Variants in KAT6A observed in about 807,000 individuals in gnomAD.
KAT6A encodes the protein histone acetyltransferase KAT6A.
A neutral mutation model predicts 198.4 loss-of-function variants in KAT6A; 9 were observed. The ratio of observed to expected loss-of-function variants is 0.05; its 90% CI spans 0.03 to 0.08. KAT6A has a LOEUF of 0.08. Ranked by LOEUF, KAT6A falls within the 10% of genes least tolerant of loss-of-function variation. KAT6A has a pLI of 1.00. For missense variants in KAT6A, 2,077 were observed against 2,509.9 expected (o/e 0.83, Z 3.69); for synonymous variants, 890 against 883.0 (o/e 1.01, Z -0.14).
intron 8 of KAT6A, among the ~76,000 whole-genome samples, chr8:41,972,781 G>T (rs1021123955): frequency 6.6e-6 from 1 of 152,170 alleles, no homozygotes; most frequent in South Asian, 2.1e-4. Context: ...CTGTTTTTAG[G>T]AAATACACAC....
At chr8:42,009,891 T>G (rs1299320043) in intron 2 of KAT6A, among the ~76,000 whole-genome samples, 1 of 79,698 alleles carries the variant, frequency 1.3e-5, no homozygotes. Context: ...CAAAGCCCTG[T>G]CTCAAAAAAA....
At chr8:42,012,444 G>C (rs1826067806) in intron 2 of KAT6A, among the ~76,000 whole-genome samples, 1 of 152,188 alleles carries the variant, frequency 6.6e-6, no homozygotes, top group Non-Finnish European at 1.5e-5. Flanking sequence ...GTTGTGACAA[G>C]TGTCCCTAGA....
intron 2 of KAT6A, among the ~76,000 whole-genome samples, chr8:42,032,174 T>C (rs931832206): frequency 1.3e-5 from 2 of 152,160 alleles, no homozygotes; most frequent in Non-Finnish European, 1.5e-5. Context: ...GTCATTTTCA[T>C]GAACTGTAGT....
chr8:42,042,947 C>A (rs939157045), intron 2 of KAT6A, among the ~76,000 whole-genome samples: 3 of 152,148 alleles, frequency 2.0e-5, no homozygotes, highest in African/African-American at 7.2e-5. Context: ...TTCCAAGACT[C>A]ACTATATAAA....
At chr8:42,051,165 T>TG (rs1802608557) in intron 1 of KAT6A, among the ~76,000 whole-genome samples, 2 of 152,044 alleles carry the variant, frequency 1.3e-5, no homozygotes, top group South Asian at 4.1e-4. Flanking sequence ...CCCTAAGCTC[T>TG]GGGGGCCGGC....
chr8:42,025,629 G>C (rs1826775008), intron 2 of KAT6A, among the ~76,000 whole-genome samples: 1 of 152,034 alleles, frequency 6.6e-6, no homozygotes, highest in South Asian at 2.1e-4. Context: ...TCTTTGAGTT[G>C]AGTTCCTTGT....
chr8:41,935,075 T>C (rs1242470408), intron 16 of KAT6A, among the ~76,000 whole-genome samples: 1 of 152,210 alleles, frequency 6.6e-6, no homozygotes, highest in African/African-American at 2.4e-5. Flanking sequence ...GGCAGAACTA[T>C]GAAAGAATCC....
intron 2 of KAT6A, among the ~76,000 whole-genome samples, chr8:42,037,049 G>C (rs541490292): frequency 6.6e-6 from 1 of 152,174 alleles, no homozygotes; most frequent in East Asian, 1.9e-4. Context: ...CTAAGCATTA[G>C]AGCAATGGTT....
At chr8:42,002,167 C>T (rs1208663729) in intron 2 of KAT6A, among the ~76,000 whole-genome samples, 1 of 152,120 alleles carries the variant, frequency 6.6e-6, no homozygotes, top group Non-Finnish European at 1.5e-5. Flanking sequence ...TCACCACTTT[C>T]CAGATAGGAA....
chr8:41,959,203 C>T (rs1338386486), intron 8 of KAT6A, among the ~76,000 whole-genome samples: 2 of 149,754 alleles, frequency 1.3e-5, no homozygotes, highest in African/African-American at 4.9e-5. Flanking sequence ...TCTTTCCATT[C>T]TCCAAAGAAG....
At chr8:41,963,942 C>G (rs988027587) in intron 8 of KAT6A, among the ~76,000 whole-genome samples, 6 of 152,130 alleles carry the variant, frequency 3.9e-5, no homozygotes, top group African/African-American at 1.4e-4. Flanking sequence ...CCTTCTCACT[C>G]TTCTCCAATA....
chr8:41,996,403 T>C (rs1203664388), intron 2 of KAT6A, among the ~76,000 whole-genome samples: 1 of 152,210 alleles, frequency 6.6e-6, no homozygotes, highest in Non-Finnish European at 1.5e-5. Context: ...ATATAATTCA[T>C]GTAATACTCC....
At chr8:41,976,523 A>G (rs1824062427) in intron 7 of KAT6A, among the ~76,000 whole-genome samples, 1 of 152,164 alleles carries the variant, frequency 6.6e-6, no homozygotes, top group Non-Finnish European at 1.5e-5. Context: ...ATGACTTACA[A>G]CTATATTTGT....
chr8:42,045,640 A>G (rs1802209365), intron 2 of KAT6A, among the ~76,000 whole-genome samples: 1 of 151,678 alleles, frequency 6.6e-6, no homozygotes, highest in Non-Finnish European at 1.5e-5. Flanking sequence ...CATTTTTTCA[A>G]TTATTAAATC....
At position 41,941,221 on chromosome 8, in the gene KAT6A, A is replaced by G. The variant is rs1188374858; in HGVS notation, c.2660T>C (p.Leu887Pro). ...AGGAGCTGAAGACGTCTCTTCCAAGAGCAGTTTAGAATCTTTATCACCAAA... is the reference window on the plus strand; with the variant it reads ...AGGAGCTGAAGACGTCTCTTCCAAGGGCAGTTTAGAATCTTTATCACCAAA... Reference protein sequence around the residue: ...ERFGDKDSKLLLEETSSAPQE... With the variant: ...ERFGDKDSKLPLEETSSAPQE... Residue 887 changes from leucine to proline, a missense_variant, in exon 15 of 17, where the codon CTC (leucine) becomes CCC (proline). Leu to Pro is a moderately conservative substitution (Grantham distance 98). Around this residue, in one of 13 missense-constraint regions of KAT6A, gnomAD observed 301 missense variants for 272.2 expected, o/e 1.11. Coordinates refer to ENST00000265713, the MANE Select transcript of KAT6A (RefSeq NM_006766.5). 8 of 1,614,088 alleles carry G rather than the reference A, an allele frequency of 5.0e-6. No individual in the cohort carries two copies. Among genetic ancestry groups the G allele is most frequent in the Non-Finnish European group, 6.8e-6 (8 of 1,180,014 alleles).
At chr8:42,043,964 AAAT>A (rs1199646860) in intron 2 of KAT6A, among the ~76,000 whole-genome samples, 3 of 152,232 alleles carry the variant, frequency 2.0e-5, no homozygotes, top group African/African-American at 7.2e-5. Flanking sequence ...TTAGAGGATT[AAAT>A]GAGTTAATAT....
At chr8:41,957,099 G>A (rs751631466) in intron 8 of KAT6A, 2 of 604,714 alleles carry the variant, frequency 3.3e-6, no homozygotes, top group South Asian at 2.8e-5. Flanking sequence ...GCTGCCCGCT[G>A]CTCTTCTAGG....
chr8:41,982,506 T>C (rs776696820), intron 3 of KAT6A, among the ~76,000 whole-genome samples: 1 of 152,184 alleles, frequency 6.6e-6, no homozygotes, highest in Non-Finnish European at 1.5e-5. Flanking sequence ...AGGCTTTAGT[T>C]ACCCACAGTC....
intron 2 of KAT6A, among the ~76,000 whole-genome samples, chr8:42,034,102 G>A (rs1256541710): frequency 6.6e-6 from 1 of 152,116 alleles, no homozygotes; most frequent in Non-Finnish European, 1.5e-5. Context: ...GCTAATTTAT[G>A]AGGAAGAAAA....
Sources: gnomAD v4.1 joint callset for allele counts (sites outside exome capture counted in the v4.1 genomes callset) on GRCh38, gnomAD v4.1.1 for gene constraint, gnomAD v4.1.1 regional missense constraint, MANE v1.5 for transcripts, NCBI Gene and HGNC (gene_info 2026-07-23, HGNC 2026-07-21) for gene names.